CLSTN2: variants seen among roughly 807,000 people sequenced by gnomAD.
CLSTN2 encodes the protein calsyntenin 2.
A neutral mutation model predicts 101.2 loss-of-function variants in CLSTN2; 48 were observed. The ratio of observed to expected loss-of-function variants is 0.47; its 90% CI spans 0.38 to 0.60. CLSTN2 has a LOEUF of 0.60. Ranked by LOEUF, CLSTN2 falls within the 20% of genes least tolerant of loss-of-function variation. CLSTN2 has a pLI of 0.00. For missense variants in CLSTN2, 1,160 were observed against 1,238.2 expected (o/e 0.94, Z 0.95); for synonymous variants, 481 against 463.6 (o/e 1.04, Z -0.48).
At chr3:140,216,036 G>T (rs922155457) in intron 2 of CLSTN2, among the ~76,000 whole-genome samples, 2 of 152,146 alleles carry the variant, frequency 1.3e-5, no homozygotes, top group Non-Finnish European at 2.9e-5. Context: ...AGGTGAGCAG[G>T]GGGTGGGTGA....
Position 140,397,782 on chromosome 3 carries a change from C to T in CLSTN2, c.233-5847C>T, listed in dbSNP as rs375822733. On this transcript the variant is annotated intron_variant, in intron 2 of 16. Coordinates refer to ENST00000458420, the MANE Select transcript of CLSTN2 (RefSeq NM_022131.3). ...GAACATAAACATTCAGTCCATTGCA[C>T]GTTGTTACATTAAAATCCATAAAAG... is the stretch of plus-strand genomic sequence containing the variant. Among the ~76,000 whole-genome samples, 46 of 152,292 alleles carry T rather than the reference C, an allele frequency of 3.0e-4. No homozygotes were observed. The South Asian group carries it at 8.9e-3, about 29-fold the overall frequency.
intron 2 of CLSTN2, among the ~76,000 whole-genome samples, chr3:140,291,599 T>TGG (rs2086953982): frequency 1.3e-5 from 2 of 151,874 alleles, no homozygotes; most frequent in Non-Finnish European, 2.9e-5. Context: ...TCCTCCAAAA[T>TGG]TATCCTCTGG....
At chr3:140,027,947 CCT>C (rs2007456867) in intron 1 of CLSTN2, among the ~76,000 whole-genome samples, 1 of 152,178 alleles carries the variant, frequency 6.6e-6, no homozygotes, top group South Asian at 2.1e-4. Flanking sequence ...ACTTACTTGC[CCT>C]CTCTGAGCAG....
At chr3:140,414,243 A>G (rs2088400358) in intron 4 of CLSTN2, among the ~76,000 whole-genome samples, 2 of 152,136 alleles carry the variant, frequency 1.3e-5, no homozygotes, top group South Asian at 4.1e-4. Flanking sequence ...TCATTTTTGT[A>G]CACTAACAAC....
At chr3:140,387,990 T>C (rs1160657667) in intron 2 of CLSTN2, among the ~76,000 whole-genome samples, 1 of 152,250 alleles carries the variant, frequency 6.6e-6, no homozygotes, top group Non-Finnish European at 1.5e-5. Flanking sequence ...TATTCCTTGC[T>C]GTATAATTTG....
chr3:140,285,338 G>A (rs769781663), intron 2 of CLSTN2, among the ~76,000 whole-genome samples: 8 of 152,102 alleles, frequency 5.3e-5, no homozygotes, highest in Non-Finnish European at 1.2e-4. Flanking sequence ...TTGGGGAGTT[G>A]GAAGATGGTA....
intron 2 of CLSTN2, among the ~76,000 whole-genome samples, chr3:140,245,584 G>A (rs1391494258): frequency 6.6e-6 from 1 of 152,158 alleles, no homozygotes; most frequent in Non-Finnish European, 1.5e-5. Flanking sequence ...ACAAGAATGG[G>A]GCAGGGTGCA....
intron 13 of CLSTN2, among the ~76,000 whole-genome samples, 161 bp downstream of exon 13, chr3:140,562,469 G>T (rs1458742110): frequency 6.6e-6 from 1 of 152,148 alleles, no homozygotes; most frequent in Non-Finnish European, 1.5e-5. Flanking sequence ...ACCCTCCTTT[G>T]GCAAGTTACT....
intron 2 of CLSTN2, among the ~76,000 whole-genome samples, chr3:140,346,948 G>C (rs2087554381): frequency 6.6e-6 from 1 of 152,192 alleles, no homozygotes; most frequent in South Asian, 2.1e-4. Context: ...TTAGCCTACT[G>C]TGCTGTTCTT....
intron 1 of CLSTN2, among the ~76,000 whole-genome samples, chr3:140,052,960 G>A (rs760337144): frequency 6.6e-6 from 1 of 152,204 alleles, no homozygotes; most frequent in South Asian, 2.1e-4. Context: ...GGCAGAAGCA[G>A]GCTGTTTGTA....
intron 2 of CLSTN2, among the ~76,000 whole-genome samples, chr3:140,202,868 A>C (rs1472542272): frequency 6.6e-6 from 1 of 152,170 alleles, no homozygotes; most frequent in Admixed American, 6.5e-5. Flanking sequence ...TAACTAGTCT[A>C]CATTTCACAG....
At chr3:140,492,531 C>T (rs748766724) in intron 8 of CLSTN2, among the ~76,000 whole-genome samples, 80 of 152,264 alleles carry the variant, frequency 5.3e-4, no homozygotes, top group Non-Finnish European at 7.6e-4. Context: ...TTATGCTGGA[C>T]GCTTGAAATA....
intron 1 of CLSTN2, among the ~76,000 whole-genome samples, chr3:140,042,856 TC>T (rs1290929824): frequency 6.6e-6 from 1 of 152,188 alleles, no homozygotes; most frequent in East Asian, 1.9e-4. Flanking sequence ...CATGAACTCA[TC>T]CTTTTTTATG....
At chr3:140,049,247 T>C (rs2007941533) in intron 1 of CLSTN2, among the ~76,000 whole-genome samples, 1 of 152,242 alleles carries the variant, frequency 6.6e-6, no homozygotes, top group Non-Finnish European at 1.5e-5. Flanking sequence ...GACTTCTTCG[T>C]CTTCCTGAAA....
At chr3:140,313,904 A>G (rs2087200056) in intron 2 of CLSTN2, among the ~76,000 whole-genome samples, 1 of 152,206 alleles carries the variant, frequency 6.6e-6, no homozygotes, top group South Asian at 2.1e-4. Context: ...AAACAGGAAC[A>G]GGCCCCACTT....
At chr3:140,306,808 C>A (rs560969096) in intron 2 of CLSTN2, among the ~76,000 whole-genome samples, 1 of 151,722 alleles carries the variant, frequency 6.6e-6, no homozygotes, top group Non-Finnish European at 1.5e-5. Flanking sequence ...TTGTTTCAAC[C>A]CCATCAGAGT....
chr3:140,521,212 A>G (rs750656753), intron 8 of CLSTN2, among the ~76,000 whole-genome samples: 26 of 151,398 alleles, frequency 1.7e-4, no homozygotes, highest in Non-Finnish European at 5.9e-5. Flanking sequence ...GAGAGGAGGC[A>G]CTCTGACTTT....
chr3:140,164,847 T>A (rs1026316946), intron 1 of CLSTN2, among the ~76,000 whole-genome samples: 3 of 152,250 alleles, frequency 2.0e-5, no homozygotes, highest in Admixed American at 2.0e-4. Flanking sequence ...TGAGTATTTA[T>A]GGGTAGAAAA....
chr3:140,049,988 AAAGG>A (rs1272454719), intron 1 of CLSTN2, among the ~76,000 whole-genome samples: 1 of 152,190 alleles, frequency 6.6e-6, no homozygotes, highest in East Asian at 1.9e-4. Context: ...GGGTTTAACC[AAAGG>A]AAGGTACCTG....
Sources: allele counts gnomAD v4.1 joint callset (sites outside exome capture counted in the v4.1 genomes callset), GRCh38; gene constraint gnomAD v4.1.1; transcripts MANE v1.5; gene names NCBI Gene and HGNC (gene_info 2026-07-23, HGNC 2026-07-21).